Variants in EMB observed in about 807,000 individuals in gnomAD.
EMB encodes the protein embigin homolog.
A neutral mutation model predicts 41.4 loss-of-function variants in EMB; 31 were observed. That is an observed-to-expected ratio of 0.75 (90% CI 0.56 to 1.01). The LOEUF is 1.01. Among genes scored for constraint, EMB ranks in the 50% least tolerant of loss-of-function variants. EMB has a pLI of 0.00. For missense variants in EMB, 379 were observed against 388.3 expected, an observed-to-expected ratio of 0.98 and a Z score of 0.20; for synonymous variants, 137 against 140.4, an observed-to-expected ratio of 0.98 and a Z score of 0.17.
intron 1 of EMB, 135 bp from the exon 2 acceptor site, chr5:50,428,362 T>C (rs1437088649): frequency 8.0e-6 from 10 of 1,253,948 alleles, no homozygotes; most frequent in Admixed American, 6.8e-5. Flanking sequence ...CAAAGTCTTA[T>C]ATACTTCAAA....
Position 50,441,132 on chromosome 5 carries a change from A to C in EMB, c.20T>G (p.Leu7Arg), listed in dbSNP as rs1229424506. 2.0e-6 allele frequency: 3 copies of C among 1,503,726 alleles called. No individual in the cohort carries two copies. In the Admixed American group the frequency reaches 6.2e-5, roughly 31 times the overall value. 93.1% of individuals were successfully genotyped at this position (1,503,726 alleles called of 1,614,324 possible). A position where few individuals can be genotyped will look rare whatever the true frequency, so the allele number is the denominator to read the frequency against. The change falls in exon 1 of 9, where the codon CTG becomes CGG. Residue 7 changes from leucine to arginine, a missense_variant. By Grantham distance (102) the Leu-to-Arg change is moderately radical. Coordinates refer to ENST00000303221, the MANE Select transcript of EMB (RefSeq NM_198449.3). MRALPG[L>R]LEARARTPRL... ...GGGCGTACGCGCCCTGGCCTCCAGC[A>C]GGCCGGGGAGGGCGCGCATGGCGCC...
At chr5:50,429,413 C>T (rs1207732679) in intron 1 of EMB, among the ~76,000 whole-genome samples, 1 of 152,148 alleles carries the variant, frequency 6.6e-6, no homozygotes, top group Non-Finnish European at 1.5e-5. Flanking sequence ...ATTTCTAGTA[C>T]AAGATTAGAT....
At chr5:50,440,248 C>T (rs1452748659) in intron 1 of EMB, among the ~76,000 whole-genome samples, 1 of 152,066 alleles carries the variant, frequency 6.6e-6, no homozygotes, top group African/African-American at 2.4e-5. Context: ...AAAAAAACAT[C>T]CTCGGCAAGG....
Position 50,399,196 on chromosome 5 carries a change from C to T in EMB, c.*77G>A, listed in dbSNP as rs1745118239. ...TTTTAAAACTAAAAACTCAGAGGCT[C>T]TTAACAGGAAGGATAAACAAAGCTG... On this transcript the variant is annotated 3_prime_UTR_variant, in exon 9 of 9. Coordinates refer to ENST00000303221, the MANE Select transcript of EMB (RefSeq NM_198449.3). 2 of 1,584,252 alleles carry T rather than the reference C, an allele frequency of 1.3e-6. No individual in the cohort carries two copies. The highest frequency in any genetic ancestry group is 4.5e-5 in the East Asian group (2 of 44,138).
chr5:50,399,775 C>T, intron 8 of EMB, 84 bp downstream of exon 8: 1 of 1,116,398 alleles, frequency 9.0e-7, no homozygotes. Flanking sequence ...TTTTATGGAA[C>T]TAAAAAAAAG....
rs779876213 is a variant in EMB at position 50,405,840 on chromosome 5, T to C, written c.485A>G (p.His162Arg). Residue 162 changes from histidine to arginine, a missense_variant, in exon 5 of 9, where the codon CAT (histidine) becomes CGT (arginine). Coordinates refer to ENST00000303221, the MANE Select transcript of EMB (RefSeq NM_198449.3). ...AGAGATCAATGGCTTGTTTTTCCCA[T>C]GAAGTTCAGGGACTGAGAATAAAAT... ...GTFNFKVPELHGKNKPLISYV... is the reference protein window; with the variant it reads ...GTFNFKVPELRGKNKPLISYV... 6 of 1,584,824 alleles carry C rather than the reference T, an allele frequency of 3.8e-6. No homozygotes were observed. The highest frequency in any genetic ancestry group is 1.2e-5 in the South Asian group (1 of 85,780).
rs181858932 is a variant in EMB at position 50,425,647 on chromosome 5, T to C, written c.196+2497A>G. On this transcript the variant is annotated intron_variant, in intron 2 of 8. Coordinates refer to ENST00000303221, the MANE Select transcript of EMB (RefSeq NM_198449.3). ...CCTCTGAGAGCAGAAAAAATACTTT[T>C]AGTTTCAGTCAAGTCAATTACTTTC... Among the ~76,000 whole-genome samples, 260 of 152,024 alleles carry C rather than the reference T, an allele frequency of 1.7e-3. 2 individuals carry two copies. The highest frequency in any genetic ancestry group is 3.3e-3 in the Non-Finnish European group (225 of 67,998).
chr5:50,401,096 A>T (rs767302203), intron 7 of EMB, among the ~76,000 whole-genome samples: 2 of 152,044 alleles, frequency 1.3e-5, no homozygotes, highest in Admixed American at 6.6e-5. Flanking sequence ...CATAAATAAG[A>T]TATCTATGTT....
chr5:50,408,165 G>T (rs1745278061), intron 4 of EMB, among the ~76,000 whole-genome samples: 1 of 151,846 alleles, frequency 6.6e-6, no homozygotes, highest in South Asian at 2.1e-4. Flanking sequence ...ACTACATTTG[G>T]TACTATCAAA....
At chr5:50,440,485 A>G (rs1163469265) in intron 1 of EMB, among the ~76,000 whole-genome samples, 1 of 143,046 alleles carries the variant, frequency 7.0e-6, no homozygotes, top group Non-Finnish European at 1.5e-5. Context: ...GTGAGCCGAG[A>G]TCACGCCATT....
intron 2 of EMB, among the ~76,000 whole-genome samples, chr5:50,423,042 G>A (rs1745551390): frequency 6.6e-6 from 1 of 151,374 alleles, no homozygotes; most frequent in Non-Finnish European, 1.5e-5. Flanking sequence ...TAGCCAACTA[G>A]GGTCCATTAG....
At chr5:50,430,239 T>G (rs1490344214) in intron 1 of EMB, among the ~76,000 whole-genome samples, 1 of 152,140 alleles carries the variant, frequency 6.6e-6, no homozygotes, top group Non-Finnish European at 1.5e-5. Context: ...ATATCATCTG[T>G]TCTGTGAAGC....
At chr5:50,421,231 G>A (rs1040120961) in intron 2 of EMB, among the ~76,000 whole-genome samples, 22 of 152,202 alleles carry the variant, frequency 1.4e-4, no homozygotes, top group African/African-American at 2.6e-4. Flanking sequence ...AAAAGTGGGC[G>A]AAGGATATGA....
At chr5:50,438,463 T>C (rs1440644630) in intron 1 of EMB, among the ~76,000 whole-genome samples, 1 of 152,214 alleles carries the variant, frequency 6.6e-6, no homozygotes, top group Non-Finnish European at 1.5e-5. Context: ...AAAAATGTTC[T>C]AGACAATTCT....
rs946653335 is a variant in EMB at position 50,396,758 on chromosome 5, A to G, written c.*2515T>C. 9 of 150,758 alleles carry G rather than the reference A, an allele frequency of 6.0e-5. No individual in the cohort carries two copies. The highest frequency in any genetic ancestry group is 2.2e-4 in the African/African-American group (9 of 40,622). The allele number at this position is 150,758 out of a possible 1,614,324, so 9.3% of individuals were successfully genotyped here. A position where few individuals can be genotyped will look rare whatever the true frequency, so the allele number is the denominator to read the frequency against. On this transcript the variant is annotated 3_prime_UTR_variant, in exon 9 of 9. Transcript: ENST00000303221. ...AGGCAGCCACGCAAAAGAGGGATTA[A>G]TAGAAAAGGAGACTGAGGTAGGAAA...
intron 1 of EMB, among the ~76,000 whole-genome samples, chr5:50,434,448 C>T (rs551500624): frequency 6.6e-6 from 1 of 152,278 alleles, no homozygotes; most frequent in East Asian, 1.9e-4. Context: ...CACCCTCCTG[C>T]CAGGGGCCTA....
intron 1 of EMB, 157 bp from the exon 2 acceptor site, chr5:50,428,384 A>C: frequency 8.2e-7 from 1 of 1,224,040 alleles, no homozygotes; most frequent in Non-Finnish European, 1.0e-6. Context: ...ACATTTAGAG[A>C]TATATTAGGC....
intron 4 of EMB, among the ~76,000 whole-genome samples, chr5:50,406,664 G>A (rs974902675): frequency 2.0e-5 from 3 of 151,918 alleles, no homozygotes; most frequent in Admixed American, 2.0e-4. Flanking sequence ...CACTTACACT[G>A]AAGATGTAGA....
chr5:50,435,970 G>C (rs1745796726), intron 1 of EMB, among the ~76,000 whole-genome samples: 1 of 152,056 alleles, frequency 6.6e-6, no homozygotes, highest in South Asian at 2.1e-4. Context: ...TCTGGCACAA[G>C]ATGTTCTAGG....
Sources: allele counts gnomAD v4.1 joint callset (sites outside exome capture counted in the v4.1 genomes callset), GRCh38; gene constraint gnomAD v4.1.1; transcripts MANE v1.5; gene names NCBI Gene and HGNC (gene_info 2026-07-23, HGNC 2026-07-21).